ASTN2: variants seen among roughly 807,000 people sequenced by gnomAD.
ASTN2 encodes the protein astrotactin 2, also known as astrotactin-2.
A neutral mutation model predicts 139.8 loss-of-function variants in ASTN2; 54 were observed. The observed-to-expected ratio is 0.39, with a 90% confidence interval of 0.31 to 0.48. The LOEUF is 0.48. Ranked by LOEUF, ASTN2 falls within the 20% of genes least tolerant of loss-of-function variation. The pLI, the probability that ASTN2 is intolerant of heterozygous loss-of-function variation, is 0.95. For missense variants in ASTN2, 1,565 were observed against 1,725.1 expected (o/e 0.91, Z 1.64); for synonymous variants, 756 against 719.5 (o/e 1.05, Z -0.81).
intron 2 of ASTN2, among the ~76,000 whole-genome samples, chr9:117,278,408 A>G (rs1834245330): frequency 6.6e-6 from 1 of 152,214 alleles, no homozygotes; most frequent in Admixed American, 6.5e-5. Context: ...CAACACACAC[A>G]CATTCACACT....
At chr9:116,703,732 A>T (rs1022348278) in intron 16 of ASTN2, among the ~76,000 whole-genome samples, 11 of 151,486 alleles carry the variant, frequency 7.3e-5, no homozygotes, top group Middle Eastern at 6.8e-3. Flanking sequence ...ATAATAATAA[A>T]AAAAAAAAAA....
intron 1 of ASTN2, among the ~76,000 whole-genome samples, chr9:117,331,992 C>G (rs75678350): frequency 0.013 from 1,919 of 152,184 alleles, 39 homozygotes; most frequent in African/African-American, 0.044. Flanking sequence ...GGGCAGGCTC[C>G]TCAGCTTCTG....
At chr9:116,753,355 G>C (rs1829449197) in intron 13 of ASTN2, among the ~76,000 whole-genome samples, 1 of 152,200 alleles carries the variant, frequency 6.6e-6, no homozygotes, top group Non-Finnish European at 1.5e-5. Context: ...CAGGGAGAGA[G>C]GCAGAGAGAG....
intron 13 of ASTN2, among the ~76,000 whole-genome samples, chr9:116,775,665 G>C (rs1327427148): frequency 7.5e-6 from 1 of 133,786 alleles, no homozygotes; most frequent in Non-Finnish European, 1.6e-5. Context: ...AAGGGAAGGA[G>C]GGTGAGAGGG....
chr9:117,253,447 T>C (rs1416125673), intron 2 of ASTN2, among the ~76,000 whole-genome samples: 1 of 152,124 alleles, frequency 6.6e-6, no homozygotes, highest in East Asian at 1.9e-4. Flanking sequence ...TTCCTCCTAC[T>C]GGAAAGCTTC....
At chr9:116,843,325 A>G (rs527606336) in intron 11 of ASTN2, among the ~76,000 whole-genome samples, 1 of 152,294 alleles carries the variant, frequency 6.6e-6, no homozygotes, top group East Asian at 1.9e-4. Context: ...GCTAATTAAC[A>G]CAGGAAGAGA....
At chr9:117,228,953 G>T (rs1832801251) in intron 2 of ASTN2, among the ~76,000 whole-genome samples, 1 of 152,030 alleles carries the variant, frequency 6.6e-6, no homozygotes, top group African/African-American at 2.4e-5. Flanking sequence ...AAAGTGAGCT[G>T]AGATGGTGCC....
chr9:117,140,830 G>T (rs986531260), intron 4 of ASTN2, among the ~76,000 whole-genome samples: 2 of 152,162 alleles, frequency 1.3e-5, no homozygotes, highest in African/African-American at 4.8e-5. Flanking sequence ...GATTTGCCCT[G>T]AGTGACATAG....
chr9:117,035,687 C>A (rs1286323792), intron 6 of ASTN2, among the ~76,000 whole-genome samples: 1 of 152,112 alleles, frequency 6.6e-6, no homozygotes, highest in East Asian at 1.9e-4. Context: ...AGAGTTTCTG[C>A]CAAAGGAGGC....
intron 16 of ASTN2, among the ~76,000 whole-genome samples, chr9:116,684,282 T>C (rs981176489): frequency 1.3e-5 from 2 of 152,204 alleles, no homozygotes; most frequent in Admixed American, 6.5e-5. Context: ...TCAGGCCAAG[T>C]ATAGTAAGAC....
At chr9:116,628,099 C>T (rs1046847873) in intron 17 of ASTN2, among the ~76,000 whole-genome samples, 4 of 152,158 alleles carry the variant, frequency 2.6e-5, no homozygotes, top group African/African-American at 9.7e-5. Flanking sequence ...CCCCTGAGTC[C>T]ACCCACCTTT....
At chr9:117,067,656 AT>A (rs1827992619) in intron 5 of ASTN2, among the ~76,000 whole-genome samples, 1 of 142,792 alleles carries the variant, frequency 7.0e-6, no homozygotes, top group African/African-American at 2.6e-5. Context: ...ATGTTCTTCC[AT>A]TTGTTTGTAT....
intron 16 of ASTN2, among the ~76,000 whole-genome samples, chr9:116,665,404 A>C (rs1588161354): frequency 6.6e-6 from 1 of 152,186 alleles, no homozygotes; most frequent in African/African-American, 2.4e-5. Flanking sequence ...AAATTATGTA[A>C]ACTGAAATTT....
chr9:117,071,858 C>T (rs964869604), intron 5 of ASTN2, among the ~76,000 whole-genome samples: 13 of 152,142 alleles, frequency 8.5e-5, no homozygotes, highest in Non-Finnish European at 1.5e-4. Context: ...AATGCCTAGC[C>T]CTGCTTCGGC....
intron 12 of ASTN2, among the ~76,000 whole-genome samples, chr9:116,816,145 C>T (rs567477976): frequency 1.4e-4 from 21 of 152,058 alleles, no homozygotes; most frequent in Non-Finnish European, 2.9e-5. Flanking sequence ...TATGAATAGC[C>T]TTTTAAAAAT....
chr9:117,389,906 T>G (rs1490209609), intron 1 of ASTN2, among the ~76,000 whole-genome samples: 1 of 144,706 alleles, frequency 6.9e-6, no homozygotes, highest in Non-Finnish European at 1.5e-5. Context: ...TATTCGGGGG[T>G]AGGTGAACAT....
intron 22 of ASTN2, 21 bp from the exon 23 acceptor site, chr9:116,426,109 G>A (rs756905638): frequency 6.2e-7 from 1 of 1,609,350 alleles, no homozygotes; most frequent in Non-Finnish European, 8.5e-7. Context: ...GGATGAGACA[G>A]CCATGATTAA....
chr9:117,287,861 T>G (rs1834488969), intron 2 of ASTN2, among the ~76,000 whole-genome samples: 1 of 152,182 alleles, frequency 6.6e-6, no homozygotes, highest in African/African-American at 2.4e-5. Flanking sequence ...CCATTGTATG[T>G]TTTTTCCACT....
At chr9:117,253,353 C>A (rs1406161869) in intron 2 of ASTN2, among the ~76,000 whole-genome samples, 4 of 152,166 alleles carry the variant, frequency 2.6e-5, no homozygotes, top group African/African-American at 9.7e-5. Context: ...AATAGCAATG[C>A]CCTCTGGAAT....
Sources: allele counts gnomAD v4.1 joint callset (sites outside exome capture counted in the v4.1 genomes callset), GRCh38; gene constraint gnomAD v4.1.1; transcripts MANE v1.5; gene names NCBI Gene and HGNC (gene_info 2026-07-23, HGNC 2026-07-21).